The following CPQ variants were observed in gnomAD, a reference collection of about 807,000 sequenced individuals.
CPQ encodes carboxypeptidase Q, also known as Ser-Met dipeptidase.
In CPQ, 37 loss-of-function variants were observed where a neutral mutation model predicts 45.7. The ratio of observed to expected loss-of-function variants is 0.81; its 90% confidence interval spans 0.62 to 1.07. The LOEUF (loss-of-function observed/expected upper bound fraction) is 1.07, where lower values mean the gene tolerates loss of function less well. CPQ is among the 50% of genes least tolerant of loss of function. The pLI is 0.00. For missense variants in CPQ, 537 were observed against 572.9 expected (o/e 0.94, Z 0.64); for synonymous variants, 186 against 205.8 (o/e 0.90, Z 0.82).
chr8:96,800,701 A>G (rs868409371), intron 2 of CPQ, among the ~76,000 whole-genome samples: 1 of 152,312 alleles, frequency 6.6e-6, no homozygotes, highest in African/African-American at 2.4e-5. Flanking sequence ...TTAAAAAAGT[A>G]AAAAATAGAA....
chr8:96,864,735 A>G (rs113700887), intron 3 of CPQ, among the ~76,000 whole-genome samples: 2,359 of 152,184 alleles, frequency 0.016, 47 homozygotes, highest in African/African-American at 0.049. Flanking sequence ...ATATTTAAAA[A>G]TGTATCCTAA....
At chr8:96,653,831 G>A (rs1815605706) in intron 1 of CPQ, among the ~76,000 whole-genome samples, 1 of 152,182 alleles carries the variant, frequency 6.6e-6, no homozygotes, top group Non-Finnish European at 1.5e-5. Context: ...GGTGGCAGAG[G>A]TGGAAGAAGC....
intron 6 of CPQ, among the ~76,000 whole-genome samples, chr8:97,049,089 T>C (rs1810310623): frequency 6.6e-6 from 1 of 152,234 alleles, no homozygotes; most frequent in Admixed American, 6.5e-5. Flanking sequence ...TCCCAGCTAA[T>C]TATTTCATTA....
chr8:96,842,074 G>A (rs1464139221), intron 3 of CPQ, among the ~76,000 whole-genome samples: 1 of 152,096 alleles, frequency 6.6e-6, no homozygotes, highest in Non-Finnish European at 1.5e-5. Flanking sequence ...TGTAATCAGA[G>A]GGCCAGCTTA....
chr8:97,123,177 T>A (rs374585134), intron 7 of CPQ, among the ~76,000 whole-genome samples: 931 of 23,358 alleles, frequency 0.04, 13 homozygotes, highest in Non-Finnish European at 0.054. Context: ...TAAAATAAAA[T>A]ATAAAATAAA....
At chr8:97,137,676 T>G (rs1440903980) in intron 7 of CPQ, among the ~76,000 whole-genome samples, 1 of 152,180 alleles carries the variant, frequency 6.6e-6, no homozygotes, top group African/African-American at 2.4e-5. Flanking sequence ...TGGCCTGTAA[T>G]CCCAGCACTT....
intron 7 of CPQ, among the ~76,000 whole-genome samples, chr8:97,100,719 C>A (rs2130578912): frequency 6.6e-6 from 1 of 152,082 alleles, no homozygotes; most frequent in East Asian, 1.9e-4. Flanking sequence ...ATGGTATTAT[C>A]ATTGTTATTA....
intron 6 of CPQ, among the ~76,000 whole-genome samples, chr8:97,038,321 C>CT: frequency 6.6e-6 from 1 of 152,294 alleles, no homozygotes; most frequent in Non-Finnish European, 1.5e-5. Flanking sequence ...CAGCTTGTAT[C>CT]TAGTCTGTTT....
chr8:96,743,764 G>T (rs1810130794), intron 1 of CPQ, among the ~76,000 whole-genome samples: 1 of 152,048 alleles, frequency 6.6e-6, no homozygotes, highest in Non-Finnish European at 1.5e-5. Flanking sequence ...CCCTGCTGGG[G>T]GGTGCCTCCC....
intron 2 of CPQ, among the ~76,000 whole-genome samples, chr8:96,788,933 G>A (rs1176890973): frequency 6.6e-6 from 1 of 151,870 alleles, no homozygotes; most frequent in Admixed American, 6.6e-5. Context: ...TACTGAATTT[G>A]TCTTTTTAGT....
intron 3 of CPQ, among the ~76,000 whole-genome samples, chr8:96,862,674 C>G (rs144443495): frequency 6.6e-6 from 1 of 152,112 alleles, no homozygotes; most frequent in East Asian, 1.9e-4. Context: ...GTGTCAGACA[C>G]CTACATATCT....
chr8:96,847,765 G>T (rs573154017), intron 3 of CPQ, among the ~76,000 whole-genome samples: 20 of 148,512 alleles, frequency 1.3e-4, no homozygotes, highest in Non-Finnish European at 2.4e-4. Context: ...GCTGTTAATT[G>T]TTAAAATAAG....
intron 1 of CPQ, among the ~76,000 whole-genome samples, chr8:96,723,768 C>A (rs1016274627): frequency 3.9e-5 from 6 of 152,010 alleles, no homozygotes; most frequent in Non-Finnish European, 8.8e-5. Context: ...AGCTGCAGGA[C>A]AACAACCAAC....
At chr8:96,688,277 C>T (rs554303551) in intron 1 of CPQ, among the ~76,000 whole-genome samples, 3 of 152,156 alleles carry the variant, frequency 2.0e-5, no homozygotes, top group African/African-American at 7.2e-5. Flanking sequence ...TTTTTACTTG[C>T]TCTTGCCTGT....
chr8:96,726,892 G>T (rs1809851054), intron 1 of CPQ, among the ~76,000 whole-genome samples: 1 of 151,386 alleles, frequency 6.6e-6, no homozygotes, highest in Non-Finnish European at 1.5e-5. Context: ...GTGACCTCTT[G>T]ACTTTGGACT....
chr8:96,963,932 TTCTTTC>T (rs1813507009), intron 4 of CPQ, among the ~76,000 whole-genome samples: 3 of 152,162 alleles, frequency 2.0e-5, no homozygotes, highest in Non-Finnish European at 4.4e-5. Flanking sequence ...TGTATCTGGC[TTCTTTC>T]ATTCTTCATT....
intron 4 of CPQ, among the ~76,000 whole-genome samples, chr8:96,889,366 G>A (rs527648605): frequency 8.5e-5 from 13 of 152,294 alleles, no homozygotes; most frequent in African/African-American, 3.1e-4. Context: ...AGGAGTTGTT[G>A]AAGTTTGGGT....
chr8:96,945,978 T>G (rs1044642532), intron 4 of CPQ, among the ~76,000 whole-genome samples: 1 of 152,216 alleles, frequency 6.6e-6, no homozygotes, highest in African/African-American at 2.4e-5. Context: ...GCTCATTTCA[T>G]GCACTGCAGA....
intron 2 of CPQ, among the ~76,000 whole-genome samples, chr8:96,821,640 A>G (rs910798075): frequency 3.3e-5 from 5 of 151,912 alleles, no homozygotes; most frequent in Admixed American, 2.0e-4. Context: ...GTTGAAATCT[A>G]TTTTTTTATA....
Sources: gnomAD v4.1 joint callset for allele counts (sites outside exome capture counted in the v4.1 genomes callset) on GRCh38, gnomAD v4.1.1 for gene constraint, MANE v1.5 for transcripts, NCBI Gene and HGNC (gene_info 2026-07-23, HGNC 2026-07-21) for gene names.